Variants in USH2A observed in about 807,000 individuals in gnomAD.
The protein encoded by USH2A is Usher syndrome 2A (autosomal recessive, mild).
USH2A carries 443 observed loss-of-function variants against 538.9 expected under a neutral mutation model. That is an observed-to-expected ratio of 0.82 (90% CI 0.76 to 0.89). The LOEUF is 0.89. USH2A is among the 40% of genes least tolerant of loss of function. The pLI, the probability that USH2A is intolerant of heterozygous loss-of-function variation, is 0.00. For missense variants in USH2A, 6,633 were observed against 6,324.8 expected, an observed-to-expected ratio of 1.05 and a Z score of -1.65; for synonymous variants, 2,413 against 2,273.5, an observed-to-expected ratio of 1.06 and a Z score of -1.75.
chr1:215,737,946 T>C (rs1184044531), intron 60 of USH2A, among the ~76,000 whole-genome samples: 1 of 152,050 alleles, frequency 6.6e-6, no homozygotes, highest in Non-Finnish European at 1.5e-5. Flanking sequence ...TTTGTTTCTA[T>C]TTTTACAGCA....
At chr1:216,410,865 A>G (rs759760264) in intron 3 of USH2A, among the ~76,000 whole-genome samples, 12 of 152,088 alleles carry the variant, frequency 7.9e-5, no homozygotes, top group African/African-American at 2.9e-4. Context: ...CATATTCACT[A>G]TTGTCTTCAT....
Position 216,422,290 on chromosome 1 carries a change from A to G in USH2A, c.47T>C (p.Val16Ala). 1 of 1,613,798 alleles carries G rather than the reference A, an allele frequency of 6.2e-7. No homozygotes were observed. Among genetic ancestry groups the G allele is most frequent in the Non-Finnish European group, 8.5e-7 (1 of 1,179,822 alleles). ...ATAGGCAAAGATCAACATTTCAATG[A>G]CCTGAAACAAGAAGCCAGAGCCCAA... is the stretch of plus-strand genomic sequence containing the variant. ...LSLGSGFLFQ[V>A]IEMLIFAYFA... Residue 16 changes from valine (V) to alanine (A), a missense_variant, in exon 2 of 72, where the codon GTC becomes GCC. Transcript: ENST00000307340.
At chr1:216,210,754 G>A (rs567182741) in intron 15 of USH2A, among the ~76,000 whole-genome samples, 18 of 152,056 alleles carry the variant, frequency 1.2e-4, no homozygotes, top group African/African-American at 2.7e-4. Flanking sequence ...GGGTCGAGGC[G>A]GGCGGATCAC....
At chr1:215,627,083 T>C (rs993442315) in intron 71 of USH2A, among the ~76,000 whole-genome samples, 1 of 152,194 alleles carries the variant, frequency 6.6e-6, no homozygotes, top group Admixed American at 6.5e-5. Context: ...TATACAATCA[T>C]TCTGAACAGG....
chr1:215,829,746 A>T lies in USH2A; in HGVS notation c.9371+8245T>A, dbSNP rs145396014. On this transcript the variant is annotated intron_variant, in intron 47 of 71. Transcript: ENST00000307340. ...TTGGCAGCCTATAGTTGCTCATTAG[A>T]GTCTTGCCTTTGGAAAATGTTACTC... Among the ~76,000 whole-genome samples, 43 of 152,332 alleles carry T rather than the reference A, an allele frequency of 2.8e-4. No individual in the cohort carries two copies. In the East Asian group the frequency reaches 6.8e-3, roughly 24 times the overall value.
intron 4 of USH2A, among the ~76,000 whole-genome samples, chr1:216,331,273 T>A (rs1451989056): frequency 6.6e-6 from 1 of 152,136 alleles, no homozygotes; most frequent in Non-Finnish European, 1.5e-5. Context: ...TTCATTGGGA[T>A]AAACATTCCA....
rs893079485 is a variant in USH2A, at chr1:216,059,066, G to A, written c.6050-10419C>T. On this transcript the variant is annotated intron_variant, in intron 30 of 71. Coordinates refer to ENST00000307340, the MANE Select transcript of USH2A (RefSeq NM_206933.4). ...AAAAATTTCACGGCGTTGAATTACA[G>A]TCATTTCTCTGCAGACTTCTCAGGT... Among the ~76,000 whole-genome samples the A allele has an allele frequency of 3.3e-5, 5 of 152,208 alleles. No homozygotes were observed. In the East Asian group the frequency reaches 9.7e-4, roughly 29 times the overall value.
At chr1:216,404,880 TC>T (rs895098652) in intron 3 of USH2A, among the ~76,000 whole-genome samples, 9 of 151,534 alleles carry the variant, frequency 5.9e-5, no homozygotes, top group Non-Finnish European at 1.0e-4. Flanking sequence ...CACCTCAGCC[TC>T]CCCCATAGGT....
At chr1:215,955,282 G>T (rs1667033671) in intron 37 of USH2A, among the ~76,000 whole-genome samples, 1 of 152,126 alleles carries the variant, frequency 6.6e-6, no homozygotes, top group Non-Finnish European at 1.5e-5. Flanking sequence ...ATGATTTGGA[G>T]AAATAGGTTT....
chr1:216,084,856 A>G lies in USH2A; in HGVS notation c.5009T>C (p.Val1670Ala), dbSNP rs750077857. ...KDPEIIQKGF[V>A]GCLKDVHFMK... ...AAAATGTACATCCTTGAGACAGCCC[A>G]CAAAACCTTTTTGGATTATCTCTGC... The change falls in exon 25 of 72, where the codon GTG becomes GCG. Residue 1670 changes from valine to alanine, a missense_variant. By Grantham distance (64) the Val-to-Ala change is moderately conservative. Transcript: ENST00000307340. The G allele has an allele frequency of 6.2e-7, 1 of 1,613,386 alleles. No homozygotes were observed. The highest frequency in any genetic ancestry group is 1.1e-5 in the South Asian group (1 of 91,076).
chr1:215,905,428 T>C (rs531982550), intron 38 of USH2A, among the ~76,000 whole-genome samples: 2 of 152,218 alleles, frequency 1.3e-5, no homozygotes, highest in African/African-American at 2.4e-5. Flanking sequence ...AATACCACTC[T>C]GCACAAGGTT....
intron 11 of USH2A, among the ~76,000 whole-genome samples, chr1:216,273,664 G>A (rs911462319): frequency 7.2e-5 from 11 of 151,900 alleles, no homozygotes; most frequent in Non-Finnish European, 1.3e-4. Flanking sequence ...TGAATTATTT[G>A]CAATTAAATG....
chr1:215,726,343 T>A (rs1049198068), intron 61 of USH2A, among the ~76,000 whole-genome samples: 2 of 152,152 alleles, frequency 1.3e-5, no homozygotes, highest in African/African-American at 4.8e-5. Flanking sequence ...TAATTTACTA[T>A]CTAATAAAAA....
intron 21 of USH2A, among the ~76,000 whole-genome samples, chr1:216,104,336 G>A (rs544104982): frequency 0.014 from 2,156 of 151,826 alleles, 50 homozygotes; most frequent in African/African-American, 0.049. Flanking sequence ...TTGTCCTTGC[G>A]ATAGTTTGCT....
At chr1:216,256,886 G>C (rs1340788805) in intron 11 of USH2A, among the ~76,000 whole-genome samples, 3 of 151,936 alleles carry the variant, frequency 2.0e-5, no homozygotes, top group Non-Finnish European at 4.4e-5. Flanking sequence ...AATTAAACTT[G>C]AATTTTTGAC....
intron 21 of USH2A, among the ~76,000 whole-genome samples, chr1:216,157,410 G>A (rs1479542890): frequency 6.6e-6 from 1 of 152,216 alleles, no homozygotes; most frequent in Non-Finnish European, 1.5e-5. Flanking sequence ...GTGGAAAGCA[G>A]TCTGGAGATT....
chr1:216,332,137 C>G (rs1324392950), intron 4 of USH2A, among the ~76,000 whole-genome samples: 2 of 152,076 alleles, frequency 1.3e-5, no homozygotes, highest in African/African-American at 4.8e-5. Context: ...GCTAGAGGAT[C>G]AGAATGGGAG....
At chr1:215,701,719 G>A (rs778674203) in intron 61 of USH2A, among the ~76,000 whole-genome samples, 15 of 152,114 alleles carry the variant, frequency 9.9e-5, no homozygotes, top group Non-Finnish European at 1.8e-4. Context: ...GTCTTTGCAC[G>A]TGAGGTTGGT....
chr1:216,189,728 T>C (rs537203503), intron 20 of USH2A, among the ~76,000 whole-genome samples: 42 of 151,996 alleles, frequency 2.8e-4, no homozygotes, highest in African/African-American at 1.0e-3. Context: ...CAGTAATTTC[T>C]AGATGTTCCC....
Sources: gnomAD v4.1 joint callset for allele counts (sites outside exome capture counted in the v4.1 genomes callset) on GRCh38, gnomAD v4.1.1 for gene constraint, MANE v1.5 for transcripts, NCBI Gene and HGNC (gene_info 2026-07-23, HGNC 2026-07-21) for gene names.